Variants in ACVR1 observed in about 807,000 individuals in gnomAD.
ACVR1 encodes the protein activin receptor type-1.
Under a neutral mutation model 57.1 loss-of-function variants are expected in ACVR1, and 38 were observed. The ratio of observed to expected loss-of-function variants is 0.67; its 90% CI spans 0.51 to 0.87. The LOEUF is 0.87. ACVR1 is among the 40% of genes least tolerant of loss of function. ACVR1 has a pLI of 0.00. For missense variants in ACVR1, 463 were observed against 638.2 expected (o/e 0.73, Z 2.96); for synonymous variants, 212 against 228.1 (o/e 0.93, Z 0.63).
At chr2:157,828,412 T>A (rs570999941) in intron 1 of ACVR1, among the ~76,000 whole-genome samples, 166 of 136,578 alleles carry the variant, frequency 1.2e-3, no homozygotes, top group Non-Finnish European at 1.9e-3. Flanking sequence ...ATCACGCCAC[T>A]GCACTCCAGC....
In ACVR1 at chr2:157,781,670, C is replaced by T. The variant is rs150782452; in HGVS notation, c.68-1070G>A. ...AAGGTGCAATGGAAAGAGGCAGAAACGGATGATCAGGGAAGCACATCTAAT... is the reference window on the plus strand; with the variant it reads ...AAGGTGCAATGGAAAGAGGCAGAAATGGATGATCAGGGAAGCACATCTAAT... On this transcript the variant is annotated intron_variant, in intron 3 of 10. Transcript: ENST00000434821. 1.1e-4 allele frequency among the ~76,000 whole-genome samples: 17 copies of T among 152,314 alleles called. No individual in the cohort carries two copies. The East Asian group carries it at 2.7e-3, about 24-fold the overall frequency.
chr2:157,869,035 T>C (rs1442176782), intron 1 of ACVR1, among the ~76,000 whole-genome samples: 1 of 152,202 alleles, frequency 6.6e-6, no homozygotes, highest in Non-Finnish European at 1.5e-5. Context: ...CCCACCTCCC[T>C]CTCATCCTTT....
At chr2:157,819,403 C>T (rs1402975410) in intron 1 of ACVR1, 1 of 151,000 alleles carries the variant, frequency 6.6e-6, no homozygotes, top group Non-Finnish European at 1.5e-5. Context: ...TCGCTTGAAC[C>T]TGAGAGGCGG....
chr2:157,791,555 C>G lies in ACVR1; in HGVS notation c.67+7872G>C, dbSNP rs538377356. 5.3e-5 allele frequency among the ~76,000 whole-genome samples: 8 copies of G among 152,344 alleles called. No homozygotes were observed. The South Asian group carries it at 1.0e-3, about 20-fold the overall frequency. On this transcript the variant is annotated intron_variant, in intron 3 of 10. Coordinates refer to ENST00000434821, the MANE Select transcript of ACVR1 (RefSeq NM_001111067.4). ...TCTAGGGCTCACTGTGTGCCGGGCACTCGGCATGTAGTCTCATGACTCCTC... is the reference window on the plus strand; with the variant it reads ...TCTAGGGCTCACTGTGTGCCGGGCAGTCGGCATGTAGTCTCATGACTCCTC...
intron 1 of ACVR1, among the ~76,000 whole-genome samples, chr2:157,848,208 C>T (rs765646747): frequency 6.6e-6 from 1 of 152,162 alleles, no homozygotes; most frequent in Non-Finnish European, 1.5e-5. Context: ...TTCTCTTTAA[C>T]GGGGCTCTGT....
Position 157,811,144 on chromosome 2 carries a change from C to A in ACVR1, c.-8+7241G>T, listed in dbSNP as rs754338851. Among the ~76,000 whole-genome samples the A allele has an allele frequency of 3.6e-4, 42 of 116,152 alleles. No homozygotes were observed. The South Asian group carries it at 9.9e-3, about 27-fold the overall frequency. The allele number at this position is 116,152 out of a possible 152,430, so 76.2% of individuals were successfully genotyped here. A position where few individuals can be genotyped will look rare whatever the true frequency, so the allele number is the denominator to read the frequency against. On this transcript the variant is annotated intron_variant, in intron 2 of 10. Transcript: ENST00000434821. ...CCCTAGCTGGGATTTGTGGGCTGCA[C>A]TCTCAGGTATCTTTACTTTTAATGC...
intron 4 of ACVR1, among the ~76,000 whole-genome samples, chr2:157,779,172 A>T (rs1000975293): frequency 6.6e-6 from 1 of 151,990 alleles, no homozygotes; most frequent in Admixed American, 6.5e-5. Context: ...AAAAAAAAAA[A>T]TCTTCTATTA....
chr2:157,780,684 TCCAAACA>T, intron 3 of ACVR1, 84 bp from the exon 4 acceptor site: 6 of 1,491,080 alleles, frequency 4.0e-6, no homozygotes, highest in Non-Finnish European at 5.5e-6. Context: ...GAATGACCAT[TCCAAACA>T]CCTCTATCAA....
At chr2:157,794,656 A>C (rs1437866752) in intron 3 of ACVR1, among the ~76,000 whole-genome samples, 1 of 152,214 alleles carries the variant, frequency 6.6e-6, no homozygotes, top group Non-Finnish European at 1.5e-5. Flanking sequence ...ATCCAAAAAC[A>C]ATGTATCTTA....
At chr2:157,760,787 A>C in intron 9 of ACVR1, 93 bp downstream of exon 9, 1 of 1,246,750 alleles carries the variant, frequency 8.0e-7, no homozygotes, top group Non-Finnish European at 1.2e-6. Context: ...TCAAAGAACA[A>C]TGTGAATTTC....
chr2:157,843,138 C>A (rs981921957), intron 1 of ACVR1, among the ~76,000 whole-genome samples: 5 of 152,186 alleles, frequency 3.3e-5, no homozygotes, highest in Admixed American at 2.6e-4. Flanking sequence ...TGCTTCAGAT[C>A]AGTAAGAAAG....
At chr2:157,834,733 C>T (rs1365686005) in intron 1 of ACVR1, among the ~76,000 whole-genome samples, 2 of 151,980 alleles carry the variant, frequency 1.3e-5, no homozygotes, top group South Asian at 4.2e-4. Context: ...ATGTTTGTAT[C>T]CTCTCAAATT....
chr2:157,847,742 A>C (rs1172293346), intron 1 of ACVR1, among the ~76,000 whole-genome samples: 1 of 152,226 alleles, frequency 6.6e-6, no homozygotes, highest in African/African-American at 2.4e-5. Flanking sequence ...ATACTATGGG[A>C]ACACAGAAGA....
chr2:157,845,152 C>T, intron 1 of ACVR1, among the ~76,000 whole-genome samples: 1 of 152,176 alleles, frequency 6.6e-6, no homozygotes, highest in East Asian at 1.9e-4. Context: ...CCAGTCATGT[C>T]AAGAGGTCAC....
At chr2:157,817,750 C>T (rs1687993538) in intron 2 of ACVR1, among the ~76,000 whole-genome samples, 2 of 152,106 alleles carry the variant, frequency 1.3e-5, no homozygotes, top group South Asian at 4.2e-4. Context: ...CCTGTAATCC[C>T]ATCACGTTGG....
chr2:157,743,618 T>C (rs1234702434), intron 9 of ACVR1, among the ~76,000 whole-genome samples: 3 of 151,790 alleles, frequency 2.0e-5, no homozygotes, highest in African/African-American at 7.3e-5. Flanking sequence ...CCCTATATTT[T>C]ATGTAACATC....
intron 1 of ACVR1, among the ~76,000 whole-genome samples, chr2:157,824,333 T>C (rs1688260728): frequency 6.6e-6 from 1 of 152,102 alleles, no homozygotes; most frequent in Non-Finnish European, 1.5e-5. Context: ...CCTGGCATGG[T>C]GGTGCACACC....
At chr2:157,770,692 A>G (rs1686042553) in intron 6 of ACVR1, among the ~76,000 whole-genome samples, 178 bp from the exon 7 acceptor site, 1 of 152,066 alleles carries the variant, frequency 6.6e-6, no homozygotes, top group Admixed American at 6.5e-5. Flanking sequence ...TTTGGCCTAT[A>G]AAGACATACA....
chr2:157,793,403 C>T (rs1377875871), intron 3 of ACVR1, among the ~76,000 whole-genome samples: 1 of 152,020 alleles, frequency 6.6e-6, no homozygotes, highest in African/African-American at 2.4e-5. Context: ...CTACTCATGG[C>T]TGAAACAAAC....
Sources: gnomAD v4.1 joint callset for allele counts (sites outside exome capture counted in the v4.1 genomes callset) on GRCh38, gnomAD v4.1.1 for gene constraint, MANE v1.5 for transcripts, NCBI Gene and HGNC (gene_info 2026-07-23, HGNC 2026-07-21) for gene names.